Variants in DBH observed in about 807,000 individuals in gnomAD.
DBH encodes dopamine beta-hydroxylase (dopamine beta-monooxygenase).
Under a neutral mutation model 64.0 loss-of-function variants are expected in DBH, and 49 were observed. The observed-to-expected ratio is 0.77, with a 90% CI of 0.61 to 0.97. The LOEUF is 0.97. DBH is among the 50% of genes least tolerant of loss of function. The pLI is 0.00. For missense variants in DBH, 828 were observed against 826.6 expected (o/e 1.00, Z -0.02); for synonymous variants, 343 against 347.1 (o/e 0.99, Z 0.13).
At chr9:133,653,260 C>G (rs1020524112) in intron 9 of DBH, among the ~76,000 whole-genome samples, 99 of 152,210 alleles carry the variant, frequency 6.5e-4, no homozygotes, top group Non-Finnish European at 6.2e-4. Context: ...TTAACAAGCT[C>G]CCAGCGGATG....
At chr9:133,639,083 A>T (rs1033506099) in intron 1 of DBH, among the ~76,000 whole-genome samples, 1 of 152,046 alleles carries the variant, frequency 6.6e-6, no homozygotes, top group Non-Finnish European at 1.5e-5. Flanking sequence ...AACAATGCCT[A>T]GGCTGCAGGG....
intron 6 of DBH, among the ~76,000 whole-genome samples, chr9:133,649,163 A>G (rs1050579861): frequency 3.3e-5 from 5 of 152,092 alleles, no homozygotes; most frequent in African/African-American, 9.7e-5. Flanking sequence ...CCTCTTGGCC[A>G]TTTGTTCCTG....
chr9:133,647,744 C>T, intron 5 of DBH, 102 bp from the exon 6 acceptor site: 2 of 1,458,280 alleles, frequency 1.4e-6, no homozygotes, highest in East Asian at 2.4e-5. Flanking sequence ...GGCCCTGCCT[C>T]CTGGCTGAGG....
chr9:133,639,655 A>C (rs975528010), intron 1 of DBH, among the ~76,000 whole-genome samples, 191 bp from the exon 2 acceptor site: 33 of 152,336 alleles, frequency 2.2e-4, no homozygotes, highest in African/African-American at 7.7e-4. Context: ...GTCTCCAGGC[A>C]GAAATGGAGA....
At chr9:133,657,476 G>GA (rs1832347148) in intron 11 of DBH, among the ~76,000 whole-genome samples, 1 of 146,366 alleles carries the variant, frequency 6.8e-6, no homozygotes, top group African/African-American at 2.6e-5. Flanking sequence ...GAGAGAGGGA[G>GA]AGGGAGAGAG....
Position 133,636,621 on chromosome 9 carries a change from G to C in DBH, c.250G>C (p.Gly84Arg), listed in dbSNP as rs768391505. The C allele has an allele frequency of 4.3e-6, 7 of 1,613,530 alleles. No individual in the cohort carries two copies. The highest frequency in any genetic ancestry group is 5.9e-6 in the Non-Finnish European group (7 of 1,180,010). The change falls in exon 1 of 12, where the codon GGC becomes CGC. Residue 84 changes from glycine (G) to arginine (R), a missense_variant. By Grantham distance (125) the Gly-to-Arg change is moderately radical. Transcript: ENST00000393056. Reference sequence around the variant, plus strand: ...GCTCCTGGTGCGGAGGCTCAAGGCTGGCGTCCTGTTTGGGATGTCCGACCG... The same window carrying C: ...GCTCCTGGTGCGGAGGCTCAAGGCTCGCGTCCTGTTTGGGATGTCCGACCG... The part of the protein sequence containing the change: ...FQLLVRRLKA[G>R]VLFGMSDRGE...
chr9:133,637,420 G>A (rs368830134), intron 1 of DBH, among the ~76,000 whole-genome samples: 33 of 152,346 alleles, frequency 2.2e-4, no homozygotes, highest in African/African-American at 7.5e-4. Context: ...CGAAGTGGGC[G>A]AGCCCACCGC....
rs776054789 is a variant in DBH at position 133,647,948 on chromosome 9, C to T, written c.1127C>T (p.Ala376Val). Residue 376 changes from alanine (A) to valine (V), a missense_variant, in exon 6 of 12, where the codon GCC becomes GTC. Physicochemically the swap from Ala to Val is moderately conservative, Grantham distance 64 (BLOSUM62 0). Coordinates refer to ENST00000393056, the MANE Select transcript of DBH (RefSeq NM_000787.4). ...GGACTGGTGTACACGCCAGTGATGGCCATTCCACCACGGGAGACCGCCTTC... is the reference window on the plus strand; with the variant it reads ...GGACTGGTGTACACGCCAGTGATGGTCATTCCACCACGGGAGACCGCCTTC... ...ELGLVYTPVM[A>V]IPPRETAFIL... 2 of 1,614,060 alleles carry T rather than the reference C, an allele frequency of 1.2e-6. No homozygotes were observed. The highest frequency in any genetic ancestry group is 3.3e-5 in the Admixed American group (2 of 60,014).
intron 5 of DBH, among the ~76,000 whole-genome samples, chr9:133,645,734 C>A (rs1164859415): frequency 1.3e-5 from 2 of 152,042 alleles, no homozygotes; most frequent in Admixed American, 1.3e-4. Flanking sequence ...ATGGTTGGGC[C>A]CCCTGGAAGT....
intron 2 of DBH, among the ~76,000 whole-genome samples, 171 bp downstream of exon 2, chr9:133,640,163 A>G (rs1051408282): frequency 2.0e-5 from 3 of 152,184 alleles, no homozygotes; most frequent in African/African-American, 7.2e-5. Context: ...GGTGGGGCCA[A>G]AGCACTTAGG....
intron 3 of DBH, 144 bp downstream of exon 3, chr9:133,642,608 C>G: frequency 2.0e-6 from 2 of 1,018,274 alleles, no homozygotes; most frequent in Admixed American, 2.0e-5. Context: ...CCTGCCTGAG[C>G]AGGGGAGCAG....
chr9:133,658,263 C>A (rs2131297398), intron 11 of DBH, 53 bp from the exon 12 acceptor site: 1 of 1,607,862 alleles, frequency 6.2e-7, no homozygotes, highest in Non-Finnish European at 8.5e-7. Context: ...GGGGAAGCAG[C>A]CACCCATCTT....
At position 133,642,171 on chromosome 9, in the gene DBH, G is replaced by A. The variant is rs200435561; in HGVS notation, c.487-36G>A. 5.0e-5 allele frequency: 81 copies of A among 1,610,046 alleles called. No homozygotes were observed. In the African/African-American group the frequency reaches 1.1e-3, roughly 21 times the overall value. On this transcript the variant is annotated intron_variant, in intron 2 of 11. Transcript: ENST00000393056. ...TCAGGAGCCCAACTCTGGGGGCTCT[G>A]AGAGGGCGACCAGCTGAACCCTGTC...
At position 133,639,843 on chromosome 9, in the gene DBH, C is replaced by T. The variant is rs1409194367; in HGVS notation, c.340-3C>T. The T allele has an allele frequency of 6.8e-6, 11 of 1,609,146 alleles. No individual in the cohort carries two copies. The highest frequency in any genetic ancestry group is 1.7e-5 in the Admixed American group (1 of 59,594). Reference sequence around the variant, plus strand: ...GCCTGGAGCCCAGTGCTTGTCTCTGCAGGACGCCTGGAGTGACCAGAAGGG... The same window carrying T: ...GCCTGGAGCCCAGTGCTTGTCTCTGTAGGACGCCTGGAGTGACCAGAAGGG... On this transcript the variant is annotated splice_polypyrimidine_tract_variant and splice_region_variant and intron_variant, in intron 1 of 11. Coordinates refer to ENST00000393056, the MANE Select transcript of DBH (RefSeq NM_000787.4).
chr9:133,656,489 G>A (rs371533152), intron 9 of DBH, 34 bp from the exon 10 acceptor site: 4 of 1,613,322 alleles, frequency 2.5e-6, no homozygotes, highest in Middle Eastern at 1.7e-4. Context: ...TGCGTGGCAT[G>A]GCCCGGGGCT....
At chr9:133,647,489 G>A (rs575531717) in intron 5 of DBH, among the ~76,000 whole-genome samples, 36 of 152,358 alleles carry the variant, frequency 2.4e-4, no homozygotes, top group African/African-American at 7.2e-4. Context: ...AGTTGTTTAC[G>A]AGTTTCCGTC....
intron 6 of DBH, among the ~76,000 whole-genome samples, chr9:133,649,958 G>A (rs1401767637): frequency 6.6e-6 from 1 of 152,224 alleles, no homozygotes; most frequent in African/African-American, 2.4e-5. Flanking sequence ...ATAAAAGAGG[G>A]GCACAAATTC....
intron 6 of DBH, among the ~76,000 whole-genome samples, chr9:133,649,460 C>T (rs1360993270): frequency 6.6e-6 from 1 of 152,166 alleles, no homozygotes; most frequent in Non-Finnish European, 1.5e-5. Flanking sequence ...AAGCTGTGGC[C>T]GTGACAGCAG....
At chr9:133,651,897 AG>A in intron 7 of DBH, 120 bp downstream of exon 7, 1 of 1,048,616 alleles carries the variant, frequency 9.5e-7, no homozygotes, top group African/African-American at 1.6e-5. Context: ...TTCCTGGGCC[AG>A]CCCCACCCGC....
Sources: gnomAD v4.1 joint callset for allele counts (sites outside exome capture counted in the v4.1 genomes callset) on GRCh38, gnomAD v4.1.1 for gene constraint, MANE v1.5 for transcripts, NCBI Gene and HGNC (gene_info 2026-07-23, HGNC 2026-07-21) for gene names.